MINDY4B: variants seen among roughly 807,000 people sequenced by gnomAD.
MINDY4B encodes inactive ubiquitin carboxyl-terminal hydrolase MINDY-4B.
In MINDY4B, 25 loss-of-function variants were observed where a neutral mutation model predicts 16.7. The observed-to-expected ratio is 1.49, with a 90% CI of 1.09 to 2.09. The LOEUF is 2.09. Among genes scored for constraint, MINDY4B ranks in the 30% most tolerant of loss-of-function variants. MINDY4B has a pLI of 0.00. For synonymous variants in MINDY4B, 132 were observed against 61.9 expected, an observed-to-expected ratio of 2.13 and a Z score of -5.32; for missense variants, 327 against 168.4, an observed-to-expected ratio of 1.94 and a Z score of -5.21.
At chr3:150,903,598 A>G (rs999728291) in intron 2 of MINDY4B, among the ~76,000 whole-genome samples, 182 bp from the exon 3 acceptor site, 2 of 152,232 alleles carry the variant, frequency 1.3e-5, no homozygotes, top group African/African-American at 4.8e-5. Context: ...TGTCTGTGTC[A>G]AAGGGGTTTC....
In MINDY4B at chr3:150,885,367, C is replaced by T; in HGVS notation, c.824+1G>A. ...CCTGTGTAAACATCTGTAGAATTTA[C>T]CTTTCAAATGTTCTAGAGAAGATCA... On this transcript the variant is annotated splice_donor_variant, in intron 8 of 11. Coordinates refer to ENST00000465419, the MANE Select transcript of MINDY4B (RefSeq NM_001351281.2). LOFTEE classifies it high-confidence loss of function. The T allele has an allele frequency of 1.4e-6, 1 of 702,748 alleles. No individual in the cohort carries two copies. The highest frequency in any genetic ancestry group is 2.7e-5 in the East Asian group (1 of 37,288). The allele number at this position is 702,748 out of a possible 1,614,324, so 43.5% of individuals were successfully genotyped here. A position where few individuals can be genotyped will look rare whatever the true frequency, so the allele number is the denominator to read the frequency against.
chr3:150,872,220 G>A (rs1397227250), intron 11 of MINDY4B, among the ~76,000 whole-genome samples: 1 of 152,086 alleles, frequency 6.6e-6, no homozygotes, highest in East Asian at 1.9e-4. Flanking sequence ...AGGAAGTTGA[G>A]GTAGAAACAA....
At chr3:150,890,211 T>C (rs945244296) in intron 7 of MINDY4B, 109 bp downstream of exon 7, 1 of 409,926 alleles carries the variant, frequency 2.4e-6, no homozygotes, top group African/African-American at 2.1e-5. Context: ...GCCCTCAAAA[T>C]GACCTGGTTT....
Position 150,870,529 on chromosome 3 carries a change from C to G in MINDY4B, c.*516G>C, listed in dbSNP as rs1211900575. ...CTTCAAACCCCAAGAAGCCCATTTA[C>G]TATTTTAATGACAAGAACTTGCTAA... is the stretch of plus-strand genomic sequence containing the variant. On this transcript the variant is annotated 3_prime_UTR_variant, in exon 12 of 12. Transcript: ENST00000465419. Among the ~76,000 whole-genome samples, 1 of 152,212 alleles carries G rather than the reference C, an allele frequency of 6.6e-6. No individual in the cohort carries two copies. Among genetic ancestry groups the G allele is most frequent in the Non-Finnish European group, 1.5e-5 (1 of 68,044 alleles).
chr3:150,889,189 T>G (rs889877086), intron 7 of MINDY4B, among the ~76,000 whole-genome samples: 1 of 152,228 alleles, frequency 6.6e-6, no homozygotes, highest in Non-Finnish European at 1.5e-5. Flanking sequence ...AAGTCAGAAG[T>G]CTGAAGTGGG....
chr3:150,880,526 G>A (rs868494411), intron 10 of MINDY4B, among the ~76,000 whole-genome samples: 1 of 152,204 alleles, frequency 6.6e-6, no homozygotes, highest in South Asian at 2.1e-4. Context: ...CTGCAGAAAA[G>A]GTTAGAACCA....
intron 11 of MINDY4B, among the ~76,000 whole-genome samples, chr3:150,872,495 T>G (rs1264359624): frequency 6.6e-6 from 1 of 152,252 alleles, no homozygotes; most frequent in Non-Finnish European, 1.5e-5. Context: ...GGTCAATGTT[T>G]AAAGACATTT....
intron 2 of MINDY4B, 90 bp downstream of exon 2, chr3:150,904,972 T>C (rs145991926): frequency 1.0e-4 from 40 of 398,282 alleles, no homozygotes; most frequent in African/African-American, 7.2e-4. Context: ...TGACATTATG[T>C]GCAAAGAATA....
chr3:150,881,705 A>G (rs1711523968), intron 10 of MINDY4B, among the ~76,000 whole-genome samples: 1 of 151,940 alleles, frequency 6.6e-6, no homozygotes. Context: ...TGGGTAATGA[A>G]ATTTGTTTTA....
chr3:150,894,154 A>G lies in MINDY4B; in HGVS notation c.429+32T>C, dbSNP rs115588621. ...TATATGGATAAGGAACATGGGAATA[A>G]GGTTTTTTAAAAATTATAAACTGGC... is the stretch of plus-strand genomic sequence containing the variant. On this transcript the variant is annotated intron_variant, in intron 4 of 11. Transcript: ENST00000465419. The G allele has an allele frequency of 9.8e-4, 656 of 669,274 alleles. 7 individuals are homozygous for G. In the African/African-American group the frequency reaches 0.011, roughly 11 times the overall value. 41.5% of individuals were successfully genotyped at this position (669,274 alleles called of 1,614,324 possible).
At chr3:150,898,274 A>G (rs1468316626) in intron 3 of MINDY4B, among the ~76,000 whole-genome samples, 1 of 152,234 alleles carries the variant, frequency 6.6e-6, no homozygotes, top group African/African-American at 2.4e-5. Context: ...AAGAGAGGAA[A>G]AGCTGTGTAT....
At position 150,882,889 on chromosome 3, in the gene MINDY4B, A is replaced by G; in HGVS notation, c.1059+8T>C. ...TGGTTGTGTGGTTGAGGACTGGAAC[A>G]CACTCACCTGTGAGAGTCTGTCATC... is the stretch of plus-strand genomic sequence containing the variant. On this transcript the variant is annotated splice_region_variant and intron_variant, in intron 10 of 11. Coordinates refer to ENST00000465419, the MANE Select transcript of MINDY4B (RefSeq NM_001351281.2). The G allele has an allele frequency of 1.4e-6, 1 of 700,268 alleles. No homozygotes were observed. The highest frequency in any genetic ancestry group is 1.5e-5 in the South Asian group (1 of 67,238). The allele number at this position is 700,268 out of a possible 1,614,324, so 43.4% of individuals were successfully genotyped here.
Position 150,883,028 on chromosome 3 carries a change from C to A in MINDY4B, c.928G>T (p.Ala310Ser), listed in dbSNP as rs1435898987. The change falls in exon 10 of 12, where the codon GCA (alanine) becomes TCA (serine). Residue 310 changes from alanine (A) to serine (S), a missense_variant. Ala to Ser is a moderately conservative substitution (Grantham distance 99). Coordinates refer to ENST00000465419, the MANE Select transcript of MINDY4B (RefSeq NM_001351281.2). ...CAGCCATTGAAGACATTGGGACTTG[C>A]TCTTCCAGTTAAAATCATGTTCAGA... ...AVLNMILTGRASPNVFNGCEE... is the reference protein window; with the variant it reads ...AVLNMILTGRSSPNVFNGCEE... The A allele has an allele frequency of 1.4e-6, 1 of 702,030 alleles. No homozygotes were observed. The highest frequency in any genetic ancestry group is 2.7e-5 in the East Asian group (1 of 37,228). The allele number at this position is 702,030 out of a possible 1,614,324, so 43.5% of individuals were successfully genotyped here.
At position 150,894,317 on chromosome 3, in the gene MINDY4B, G is replaced by T. The variant is rs1300209350; in HGVS notation, c.310-12C>A. 1 of 683,830 alleles carries T rather than the reference G, an allele frequency of 1.5e-6. No individual in the cohort carries two copies. The highest frequency in any genetic ancestry group is 2.6e-6 in the Non-Finnish European group (1 of 379,456). The allele number at this position is 683,830 out of a possible 1,614,324, so 42.4% of individuals were successfully genotyped here. On this transcript the variant is annotated splice_polypyrimidine_tract_variant and intron_variant, in intron 3 of 11. Coordinates refer to ENST00000465419, the MANE Select transcript of MINDY4B (RefSeq NM_001351281.2). Reference sequence around the variant, plus strand: ...ATCTGCCGCAGCTTCTGAAAAGAGGGGAAAGAAATGATTCAACAAAAGAGA... The same window carrying T: ...ATCTGCCGCAGCTTCTGAAAAGAGGTGAAAGAAATGATTCAACAAAAGAGA...
At position 150,871,128 on chromosome 3, in the gene MINDY4B, G is replaced by T. The variant is rs200732347; in HGVS notation, c.1300C>A (p.Arg434=). 8 of 702,812 alleles carry T rather than the reference G, an allele frequency of 1.1e-5. No individual in the cohort carries two copies. Among genetic ancestry groups the T allele is most frequent in the African/African-American group, 1.0e-4 (6 of 57,376 alleles). 43.5% of individuals were successfully genotyped at this position (702,812 alleles called of 1,614,324 possible). The change falls in exon 12 of 12, where the codon CGG becomes AGG. Residue 434 remains arginine, a synonymous_variant. Transcript: ENST00000465419. ...ATTGCCATCTCCACTGGTGAAAACC[G>T]TCGTCTTGGTCCATGTTTCTCTTCC... The part of the protein sequence containing the change: ...QQEEKHGPRR[R]FSPVEMAIRT...
At position 150,885,377 on chromosome 3, in the gene MINDY4B, G is replaced by A; in HGVS notation, c.815C>T (p.Thr272Ile). ...LFLYSLIFSRTFERLQMDLDV... is the reference protein window; with the variant it reads ...LFLYSLIFSRIFERLQMDLDV... Reference sequence around the variant, plus strand: ...CATCTGTAGAATTTACCTTTCAAATGTTCTAGAGAAGATCAGGCTGTACAG... The same window carrying A: ...CATCTGTAGAATTTACCTTTCAAATATTCTAGAGAAGATCAGGCTGTACAG... Residue 272 changes from threonine to isoleucine, a missense_variant, in exon 8 of 12, where the codon ACA (threonine) becomes ATA (isoleucine). By Grantham distance (89) the Thr-to-Ile change is moderately conservative. Coordinates refer to ENST00000465419, the MANE Select transcript of MINDY4B (RefSeq NM_001351281.2). The A allele has an allele frequency of 1.4e-6, 1 of 702,750 alleles. No individual in the cohort carries two copies. The highest frequency in any genetic ancestry group is 2.0e-5 in the Admixed American group (1 of 50,004). 43.5% of individuals were successfully genotyped at this position (702,750 alleles called of 1,614,324 possible).
At chr3:150,890,916 G>A (rs1482320881) in intron 6 of MINDY4B, 22 bp downstream of exon 6, 3 of 699,726 alleles carry the variant, frequency 4.3e-6, no homozygotes, top group Non-Finnish European at 7.8e-6. Context: ...TCATCTGCCA[G>A]GACAGGGAGA....
chr3:150,900,019 A>T (rs1012753612), intron 3 of MINDY4B, among the ~76,000 whole-genome samples: 2 of 152,182 alleles, frequency 1.3e-5, no homozygotes, highest in African/African-American at 4.8e-5. Flanking sequence ...CTGAGTCCAG[A>T]AAAGGGCCTG....
chr3:150,893,294 T>C (rs1311604705), intron 5 of MINDY4B, 30 bp downstream of exon 5: 6 of 702,268 alleles, frequency 8.5e-6, no homozygotes, highest in Non-Finnish European at 1.3e-5. Context: ...GTGAAATGGG[T>C]AATTCAAGTA....
Sources: allele counts gnomAD v4.1 joint callset (sites outside exome capture counted in the v4.1 genomes callset), GRCh38; gene constraint gnomAD v4.1.1; transcripts MANE v1.5; gene names NCBI Gene and HGNC (gene_info 2026-07-23, HGNC 2026-07-21).